The following TEX19 variants were observed in gnomAD, a reference collection of about 807,000 sequenced individuals.
The protein encoded by TEX19 is testis-expressed protein 19.
For missense variants in TEX19, 184 were observed against 194.4 expected, an observed-to-expected ratio of 0.95 and a Z score of 0.32; for synonymous variants, 77 against 73.9, an observed-to-expected ratio of 1.04 and a Z score of -0.21.
chr17:82,362,123 A>G lies in TEX19; in HGVS notation c.-28A>G, dbSNP rs1252798462. On this transcript the variant is annotated 5_prime_UTR_variant, in exon 2 of 2. Transcript: ENST00000333437. This position sits in a 1 kb window ranked among gnomAD's most constrained non-coding sequence, Gnocchi z 5.5. The stretch of plus-strand genomic sequence containing the variant: ...TCTGAAGGCCCAGCTCTTGCTGTCC[A>G]CCCCGGCAGTAGGCAGGCAGCCTGG... The G allele has an allele frequency of 6.3e-7, 1 of 1,576,544 alleles. No homozygotes were observed. The highest frequency in any genetic ancestry group is 8.6e-7 in the Non-Finnish European group (1 of 1,163,256).
intron 1 of TEX19, among the ~76,000 whole-genome samples, chr17:82,360,348 C>T (rs1389200865): frequency 3.6e-5 from 3 of 84,172 alleles, no homozygotes; most frequent in South Asian, 5.3e-4. Context: ...TCAGGTTCCC[C>T]CAGTTTCCCT....
At chr17:82,359,400 C>G (rs76612286) in intron 1 of TEX19, 115 bp downstream of exon 1, 131 of 150,882 alleles carry the variant, frequency 8.7e-4, no homozygotes, top group African/African-American at 3.0e-3. Flanking sequence ...CCCTCAGTTT[C>G]CCTCAAATTT....
chr17:82,359,276 C>T lies in TEX19; in HGVS notation c.-281C>T, dbSNP rs895647142. 6.6e-6 allele frequency: 1 copy of T among 152,294 alleles called. No individual in the cohort carries two copies. The highest frequency in any genetic ancestry group is 1.5e-5 in the Non-Finnish European group (1 of 68,114). The allele number at this position is 152,294 out of a possible 1,614,324, so 9.4% of individuals were successfully genotyped here. ...CCCTGGGTGCCCACATGAACAGAGA[C>T]ACCAGGATGGTGAGATCTCCCGAGG... On this transcript the variant is annotated 5_prime_UTR_variant, in exon 1 of 2. Coordinates refer to ENST00000333437, the MANE Select transcript of TEX19 (RefSeq NM_207459.4).
intron 1 of TEX19, among the ~76,000 whole-genome samples, chr17:82,359,519 G>T (rs1490196630): frequency 1.1e-3 from 80 of 71,614 alleles, no homozygotes; most frequent in African/African-American, 3.4e-3. Flanking sequence ...TTTCCCTCAG[G>T]TTCCCTCAGT....
In TEX19 at chr17:82,363,052, G is replaced by GACT. The variant is rs1342943154; in HGVS notation, c.*408_*410dup. On this transcript the variant is annotated 3_prime_UTR_variant, in exon 2 of 2. Transcript: ENST00000333437. ...GACCAACAGGGAGAGCAAGAAGGGA[G>GACT]ACTCAGCCTGTAAGCCACAGTCCTC... 1 of 174,726 alleles carries GACT rather than the reference G, an allele frequency of 5.7e-6. No individual in the cohort carries two copies. The highest frequency in any genetic ancestry group is 1.4e-5 in the Non-Finnish European group (1 of 73,472). 10.8% of individuals were successfully genotyped at this position (174,726 alleles called of 1,614,324 possible). A position where few individuals can be genotyped will look rare whatever the true frequency, so the allele number is the denominator to read the frequency against.
intron 1 of TEX19, chr17:82,361,526 T>A (rs1296519162): frequency 3.4e-5 from 26 of 767,458 alleles, no homozygotes; most frequent in Admixed American, 6.7e-5. Context: ...CCAGTTTCCC[T>A]CAGGTTCCCC....
At chr17:82,361,179 TTTCCCTCAGG>T (rs1235075928) in intron 1 of TEX19, among the ~76,000 whole-genome samples, 1 of 101,216 alleles carries the variant, frequency 9.9e-6, no homozygotes, top group Non-Finnish European at 2.0e-5. Flanking sequence ...GTTCCCCCAG[TTTCCCTCAGG>T]TTCCCTCAGT....
chr17:82,362,162 G>C lies in TEX19; in HGVS notation c.12G>C (p.Pro4=). The C allele has an allele frequency of 6.2e-7, 1 of 1,608,080 alleles. No homozygotes were observed. Among genetic ancestry groups the C allele is most frequent in the Non-Finnish European group, 8.5e-7 (1 of 1,177,428 alleles). ...CAGGCAGCCTGGCCATGTGCCCTCC[G>C]GTCAGCATGCGGTATGAGGAAGAGG... MCP[P]VSMRYEEEGM... is the part of the protein sequence containing the mutation. Residue 4 remains proline, a synonymous_variant, in exon 2 of 2, where the codon CCG becomes CCC. Coordinates refer to ENST00000333437, the MANE Select transcript of TEX19 (RefSeq NM_207459.4). The surrounding 1 kb of genome is among the most constrained non-coding windows in gnomAD (Gnocchi z 5.5).
Position 82,362,741 on chromosome 17 carries a change from G to A in TEX19, c.*96G>A, listed in dbSNP as rs1449660895. On this transcript the variant is annotated 3_prime_UTR_variant, in exon 2 of 2. Transcript: ENST00000333437. The surrounding 1 kb of genome is among the most constrained non-coding windows in gnomAD (Gnocchi z 5.5). ...TGGACCCTGCCGAGGCTGAGGCCTAGTTACTGGCCCTGCAGCTTGTCTCCA... is the reference window on the plus strand; with the variant it reads ...TGGACCCTGCCGAGGCTGAGGCCTAATTACTGGCCCTGCAGCTTGTCTCCA... The A allele has an allele frequency of 2.1e-6, 3 of 1,433,142 alleles. No individual in the cohort carries two copies. The highest frequency in any genetic ancestry group is 2.8e-6 in the Non-Finnish European group (3 of 1,072,288). The allele number at this position is 1,433,142 out of a possible 1,614,324, so 88.8% of individuals were successfully genotyped here. A position where few individuals can be genotyped will look rare whatever the true frequency, so the allele number is the denominator to read the frequency against.
In TEX19 at chr17:82,362,682, C is replaced by T. The variant is rs2052406144; in HGVS notation, c.*37C>T. The T allele has an allele frequency of 4.6e-6, 7 of 1,519,512 alleles. No individual in the cohort carries two copies. Among genetic ancestry groups the T allele is most frequent in the Non-Finnish European group, 5.3e-6 (6 of 1,137,110 alleles). 94.1% of individuals were successfully genotyped at this position (1,519,512 alleles called of 1,614,324 possible). A position where few individuals can be genotyped will look rare whatever the true frequency, so the allele number is the denominator to read the frequency against. ...CAAAGTGGACCTGCCCCCAGGGGAGCCCGTGGTGTTGAAGCTGGGCATTAC... is the reference window on the plus strand; with the variant it reads ...CAAAGTGGACCTGCCCCCAGGGGAGTCCGTGGTGTTGAAGCTGGGCATTAC... On this transcript the variant is annotated 3_prime_UTR_variant, in exon 2 of 2. Coordinates refer to ENST00000333437, the MANE Select transcript of TEX19 (RefSeq NM_207459.4). The surrounding 1 kb of genome is among the most constrained non-coding windows in gnomAD (Gnocchi z 5.5).
chr17:82,359,506 C>CA (rs1208125405), intron 1 of TEX19, among the ~76,000 whole-genome samples: 3 of 118,072 alleles, frequency 2.5e-5, no homozygotes, highest in Non-Finnish European at 1.8e-5. Flanking sequence ...AAGTTTCCCT[C>CA]AGTTTCCCTC....
At chr17:82,360,999 TTTCCCTCAGG>T (rs2052385882) in intron 1 of TEX19, among the ~76,000 whole-genome samples, 1 of 107,404 alleles carries the variant, frequency 9.3e-6, no homozygotes, top group East Asian at 3.6e-4. Context: ...TTTTCCCCAG[TTTCCCTCAGG>T]TTCCCTCAGT....
In TEX19 at chr17:82,362,231, T is replaced by A. The variant is rs1318138374; in HGVS notation, c.81T>A (p.His27Gln). Reference sequence around the variant, plus strand: ...CCTCCTGGATGTATCAGCTTCAACATGGAGATCAGCTAAGCATTTGCTTCA... The same window carrying A: ...CCTCCTGGATGTATCAGCTTCAACAAGGAGATCAGCTAAGCATTTGCTTCA... Reference protein sequence around the residue: ...LYASWMYQLQHGDQLSICFTC... With the variant: ...LYASWMYQLQQGDQLSICFTC... Residue 27 changes from histidine (H) to glutamine (Q), a missense_variant, in exon 2 of 2, where the codon CAT becomes CAA. Physicochemically the swap from His to Gln is conservative, Grantham distance 24 (BLOSUM62 0). Coordinates refer to ENST00000333437, the MANE Select transcript of TEX19 (RefSeq NM_207459.4). This position sits in a 1 kb window ranked among gnomAD's most constrained non-coding sequence, Gnocchi z 5.5. The A allele has an allele frequency of 1.9e-6, 3 of 1,613,934 alleles. No homozygotes were observed. Among genetic ancestry groups the A allele is most frequent in the Non-Finnish European group, 2.5e-6 (3 of 1,180,014 alleles).
intron 1 of TEX19, 188 bp from the exon 2 acceptor site, chr17:82,361,692 G>A (rs1292670390): frequency 1.0e-6 from 1 of 985,254 alleles, no homozygotes; most frequent in Non-Finnish European, 1.2e-6. Flanking sequence ...TGTAGGGGGT[G>A]GCTGATGAGC....
In TEX19 at chr17:82,362,120, T is replaced by G; in HGVS notation, c.-31T>G. The G allele has an allele frequency of 6.4e-7, 1 of 1,574,160 alleles. No individual in the cohort carries two copies. The highest frequency in any genetic ancestry group is 8.6e-7 in the Non-Finnish European group (1 of 1,162,294). ...TCCTCTGAAGGCCCAGCTCTTGCTG[T>G]CCACCCCGGCAGTAGGCAGGCAGCC... On this transcript the variant is annotated 5_prime_UTR_variant, in exon 2 of 2. Coordinates refer to ENST00000333437, the MANE Select transcript of TEX19 (RefSeq NM_207459.4). The surrounding 1 kb of genome is among the most constrained non-coding windows in gnomAD (Gnocchi z 5.5).
chr17:82,360,716 TTTCCCTCAAGTTTCCCTCAGG>T (rs2052380953), intron 1 of TEX19, among the ~76,000 whole-genome samples: 1 of 105,544 alleles, frequency 9.5e-6, no homozygotes, highest in African/African-American at 3.9e-5. Flanking sequence ...GTTCCCTCAG[TTTCCCTCAAGTTTCCCTCAGG>T]TTCCCCCAGT....
rs2052412521 is a variant in TEX19 at position 82,363,547 on chromosome 17, C to T, written c.*902C>T. On this transcript the variant is annotated 3_prime_UTR_variant, in exon 2 of 2. Transcript: ENST00000333437. ...GGGGAGGGACATTGCTTGTAAAACA[C>T]ATGCTCTGCAGAACACACCAGAATC... The T allele has an allele frequency of 6.0e-6, 1 of 167,078 alleles. No homozygotes were observed. Among genetic ancestry groups the T allele is most frequent in the Non-Finnish European group, 1.5e-5 (1 of 68,134 alleles). 10.3% of individuals were successfully genotyped at this position (167,078 alleles called of 1,614,324 possible).
chr17:82,361,086 CAGGTTTCCTCA>C (rs2052387508), intron 1 of TEX19, among the ~76,000 whole-genome samples: 1 of 82,140 alleles, frequency 1.2e-5, no homozygotes, highest in Non-Finnish European at 2.7e-5. Flanking sequence ...CAGTTTCCCT[CAGGTTTCCTCA>C]AGTTGCCTCA....
rs2052413609 is a variant in TEX19 at position 82,363,730 on chromosome 17, T to C, written c.*1085T>C. On this transcript the variant is annotated 3_prime_UTR_variant, in exon 2 of 2. Transcript: ENST00000333437. ...TTTAACCATTTAATTCCTGTTGCTC[T>C]ATATGTTGTTTTTAATTTTAAAAAG... 6.0e-6 allele frequency: 1 copy of C among 167,110 alleles called. No homozygotes were observed. Among genetic ancestry groups the C allele is most frequent in the South Asian group, 2.1e-4 (1 of 4,828 alleles). The allele number at this position is 167,110 out of a possible 1,614,324, so 10.4% of individuals were successfully genotyped here. A position where few individuals can be genotyped will look rare whatever the true frequency, so the allele number is the denominator to read the frequency against.
Sources: allele counts gnomAD v4.1 joint callset (sites outside exome capture counted in the v4.1 genomes callset), GRCh38; gene constraint gnomAD v4.1.1; non-coding constraint Gnocchi (gnomAD v3.1); transcripts MANE v1.5; gene names NCBI Gene and HGNC (gene_info 2026-07-23, HGNC 2026-07-21).